Variants in ARHGEF10L observed in about 807,000 individuals in gnomAD.
ARHGEF10L encodes the protein Rho guanine nucleotide exchange factor 10 like.
Under a neutral mutation model 141.2 loss-of-function variants are expected in ARHGEF10L, and 69 were observed. That is an observed-to-expected ratio of 0.49 (90% CI 0.40 to 0.60). ARHGEF10L has a LOEUF of 0.60. Ranked by LOEUF, ARHGEF10L falls within the 20% of genes least tolerant of loss-of-function variation. The pLI is 0.00. For missense variants in ARHGEF10L, 1,482 were observed against 1,734.3 expected, an observed-to-expected ratio of 0.85 and a Z score of 2.58; for synonymous variants, 711 against 718.5, an observed-to-expected ratio of 0.99 and a Z score of 0.17.
intron 9 of ARHGEF10L, chr1:17,618,510 G>T: frequency 6.9e-7 from 1 of 1,449,622 alleles, no homozygotes; most frequent in Non-Finnish European, 9.1e-7. Context: ...CTCCTCCTCT[G>T]TCTCCTGCTC....
chr1:17,527,933 A>T, the ARHGEF10L span, among the ~76,000 whole-genome samples: 4 of 147,488 alleles, frequency 2.7e-5, no homozygotes, highest in Non-Finnish European at 5.9e-5. Context: ...CAGTGGCATG[A>T]TCTTGGCTCA....
chr1:17,633,633 T>TA lies in ARHGEF10L; in HGVS notation c.1731-913dup, dbSNP rs1256037265. ...TCCCAAAGTGCTGGGATTACAGGCG[T>TA]AAGCCACCGTGCCCCACCTCGACAC... On this transcript the variant is annotated intron_variant, in intron 16 of 28. Transcript: ENST00000361221. Among the ~76,000 whole-genome samples the TA allele has an allele frequency of 3.3e-5, 5 of 152,262 alleles. No homozygotes were observed. The East Asian group carries it at 9.7e-4, about 29-fold the overall frequency.
intron 4 of ARHGEF10L, among the ~76,000 whole-genome samples, chr1:17,601,526 A>G (rs1186140012): frequency 6.6e-6 from 1 of 152,056 alleles, no homozygotes; most frequent in Non-Finnish European, 1.5e-5. Flanking sequence ...GGTCACTGCA[A>G]CCTTCCTCTT....
the ARHGEF10L span, among the ~76,000 whole-genome samples, chr1:17,526,873 C>T: frequency 1.3e-5 from 2 of 151,142 alleles, no homozygotes; most frequent in African/African-American, 2.4e-5. Context: ...CACTGCACTC[C>T]AGCCTGGACA....
chr1:17,642,543 C>T (rs1302166475), intron 21 of ARHGEF10L, among the ~76,000 whole-genome samples: 1 of 151,802 alleles, frequency 6.6e-6, no homozygotes, highest in African/African-American at 2.4e-5. Context: ...GGGGAGAGGG[C>T]ATGGGAGGGG....
chr1:17,617,395 C>T (rs2059868324), intron 9 of ARHGEF10L, among the ~76,000 whole-genome samples: 1 of 152,200 alleles, frequency 6.6e-6, no homozygotes, highest in Non-Finnish European at 1.5e-5. Context: ...TGGTCCCCAC[C>T]AGGCTCCAGT....
chr1:17,618,781 C>T (rs889576154), intron 9 of ARHGEF10L, among the ~76,000 whole-genome samples: 4 of 152,322 alleles, frequency 2.6e-5, no homozygotes, highest in East Asian at 1.9e-4. Flanking sequence ...CATCTCATTC[C>T]GTCCTCCGTC....
Position 17,648,635 on chromosome 1 carries a change from G to A in ARHGEF10L, c.2354G>A (p.Cys785Tyr). The change falls in exon 22 of 29, where the codon TGC becomes TAC. Residue 785 changes from cysteine to tyrosine, a missense_variant. By Grantham distance (194) the Cys-to-Tyr change is radical. Around this residue, in one of 3 missense-constraint regions of ARHGEF10L, gnomAD observed 858 missense variants for 966.3 expected, o/e 0.89. Transcript: ENST00000361221. The stretch of plus-strand genomic sequence containing the variant: ...CCATTCTGGTGCCCGATCCTGGCCT[G>A]CTGCATCCCTGCCTTCTCCTCCCGG... ...KAPFWCPILA[C>Y]CIPAFSSRAL... is the part of the protein sequence containing the mutation. 6.2e-7 allele frequency: 1 copy of A among 1,613,158 alleles called. No homozygotes were observed. Among genetic ancestry groups the A allele is most frequent in the Non-Finnish European group, 8.5e-7 (1 of 1,180,024 alleles).
chr1:17,587,601 A>C lies in ARHGEF10L; in HGVS notation c.179A>C (p.Asp60Ala). 1 of 1,614,072 alleles carries C rather than the reference A, an allele frequency of 6.2e-7. No individual in the cohort carries two copies. Among genetic ancestry groups the C allele is most frequent in the African/African-American group, 1.3e-5 (1 of 75,032 alleles). ...GTCCCCAGCCTTGCTCCTGAGAGGG[A>C]CACAGACCCCCCACTGATCCACTTG... Reference protein sequence around the residue: ...LGVPSLAPERDTDPPLIHLDS... With the variant: ...LGVPSLAPERATDPPLIHLDS... Residue 60 changes from aspartate to alanine, a missense_variant, in exon 3 of 29, where the codon GAC (aspartate) becomes GCC (alanine). By Grantham distance (126) the Asp-to-Ala change is moderately radical (BLOSUM62 -2). Coordinates refer to ENST00000361221, the MANE Select transcript of ARHGEF10L (RefSeq NM_018125.4).
chr1:17,661,168 C>T (rs987168248), intron 25 of ARHGEF10L, among the ~76,000 whole-genome samples: 5 of 152,120 alleles, frequency 3.3e-5, no homozygotes, highest in African/African-American at 9.7e-5. Context: ...ACCTTGGCCT[C>T]CCGGGTTCAA....
chr1:17,663,402 A>G (rs1290828191), intron 25 of ARHGEF10L, among the ~76,000 whole-genome samples: 1 of 151,910 alleles, frequency 6.6e-6, no homozygotes, highest in Non-Finnish European at 1.5e-5. Context: ...AAATACAAAA[A>G]ATTAACTGGG....
At chr1:17,613,205 AT>A in intron 8 of ARHGEF10L, 31 bp downstream of exon 8, 1 of 1,558,232 alleles carries the variant, frequency 6.4e-7, no homozygotes, top group Non-Finnish European at 8.8e-7. Context: ...CAAGCCCTGG[AT>A]GGGGGCTGTT....
chr1:17,517,716 A>G, the ARHGEF10L span, among the ~76,000 whole-genome samples: 2 of 151,318 alleles, frequency 1.3e-5, no homozygotes, highest in Non-Finnish European at 2.9e-5. Flanking sequence ...GCTGGAGTAC[A>G]ATGGCACGAT....
At chr1:17,582,693 C>T (rs2078678327) in intron 2 of ARHGEF10L, among the ~76,000 whole-genome samples, 1 of 152,182 alleles carries the variant, frequency 6.6e-6, no homozygotes. Context: ...GGAGCCCTTC[C>T]TGAAGCCCCA....
intron 2 of ARHGEF10L, among the ~76,000 whole-genome samples, chr1:17,586,224 G>C (rs1312292543): frequency 6.6e-6 from 1 of 152,196 alleles, no homozygotes; most frequent in African/African-American, 2.4e-5. Context: ...CAGCCTTATG[G>C]GGAAAGTGCT....
At chr1:17,550,340 G>A (rs1005548967) in intron 1 of ARHGEF10L, among the ~76,000 whole-genome samples, 1 of 152,130 alleles carries the variant, frequency 6.6e-6, no homozygotes, top group Non-Finnish European at 1.5e-5. Context: ...TTGAAAGGCT[G>A]GTTAGAAGTC....
the ARHGEF10L span, among the ~76,000 whole-genome samples, chr1:17,530,611 TG>T: frequency 1.3e-5 from 2 of 152,002 alleles, no homozygotes; most frequent in African/African-American, 2.4e-5. Context: ...GGCAATGTGG[TG>T]GGGGAGAGTC....
chr1:17,542,102 G>A (rs377051715), intron 1 of ARHGEF10L, among the ~76,000 whole-genome samples: 67 of 152,004 alleles, frequency 4.4e-4, no homozygotes, highest in African/African-American at 1.5e-3. Flanking sequence ...TTGTGCCACT[G>A]CACTCCAGCC....
At chr1:17,570,617 A>G (rs1166070160) in intron 1 of ARHGEF10L, among the ~76,000 whole-genome samples, 1 of 151,942 alleles carries the variant, frequency 6.6e-6, no homozygotes, top group African/African-American at 2.4e-5. Context: ...GAGGTGAGAA[A>G]ACATTCCAGG....
Sources: allele counts gnomAD v4.1 joint callset (sites outside exome capture counted in the v4.1 genomes callset), GRCh38; gene constraint gnomAD v4.1.1; regional missense constraint gnomAD v4.1.1; transcripts MANE v1.5; gene names NCBI Gene and HGNC (gene_info 2026-07-23, HGNC 2026-07-21).